The following FYN variants were observed in gnomAD, a reference collection of about 807,000 sequenced individuals.
FYN encodes the protein FYN proto-oncogene, Src family tyrosine kinase, also known as tyrosine-protein kinase Fyn.
In FYN, 10 loss-of-function variants were observed where a neutral mutation model predicts 70.2. The ratio of observed to expected loss-of-function variants is 0.14; its 90% CI spans 0.09 to 0.24. The LOEUF (loss-of-function observed/expected upper bound fraction) is 0.24. FYN is among the 10% of genes least tolerant of loss of function. FYN has a pLI of 1.00. For missense variants in FYN, 319 were observed against 673.1 expected (o/e 0.47, Z 5.82); for synonymous variants, 236 against 248.6 (o/e 0.95, Z 0.48).
chr6:111,826,064 G>C (rs1772825406), intron 2 of FYN, among the ~76,000 whole-genome samples: 1 of 152,070 alleles, frequency 6.6e-6, no homozygotes, highest in East Asian at 1.9e-4. Context: ...AAAGGCGAAG[G>C]GAAAACAACT....
chr6:111,714,288 T>C (rs1389524067), intron 5 of FYN, 59 bp downstream of exon 5: 2 of 1,096,462 alleles, frequency 1.8e-6, no homozygotes, highest in Non-Finnish European at 2.8e-6. Flanking sequence ...AGACCAGAAA[T>C]GCAAGACCCC....
At chr6:111,699,547 A>C in intron 9 of FYN, 1 of 1,614,146 alleles carries the variant, frequency 6.2e-7, no homozygotes, top group Non-Finnish European at 8.5e-7. Flanking sequence ...CCCCTGACCC[A>C]GCTTCTTCTC....
chr6:111,691,452 TG>T (rs1799311907), intron 12 of FYN, among the ~76,000 whole-genome samples: 1 of 152,236 alleles, frequency 6.6e-6, no homozygotes, highest in East Asian at 1.9e-4. Flanking sequence ...CTGTGGCCTG[TG>T]GGTAACATAA....
chr6:111,766,875 C>A (rs1037737874), intron 3 of FYN, among the ~76,000 whole-genome samples: 2 of 152,060 alleles, frequency 1.3e-5, no homozygotes, highest in African/African-American at 4.8e-5. Context: ...GATGACACAG[C>A]CAAATCATAT....
chr6:111,847,440 T>C (rs971694093), intron 1 of FYN, among the ~76,000 whole-genome samples: 1 of 152,224 alleles, frequency 6.6e-6, no homozygotes, highest in Non-Finnish European at 1.5e-5. Context: ...TTTAATAAAG[T>C]GTCTAAAGAG....
At chr6:111,839,351 C>G (rs1230160100) in intron 2 of FYN, among the ~76,000 whole-genome samples, 1 of 152,120 alleles carries the variant, frequency 6.6e-6, no homozygotes, top group Non-Finnish European at 1.5e-5. Flanking sequence ...AAATCCAGAT[C>G]TCCTATGTAG....
At chr6:111,781,701 TG>T (rs986501765) in intron 2 of FYN, among the ~76,000 whole-genome samples, 5 of 152,220 alleles carry the variant, frequency 3.3e-5, no homozygotes, top group Non-Finnish European at 7.3e-5. Context: ...CTTTACCTTT[TG>T]TGCTATGGCA....
rs3891286 is a variant in FYN at position 111,827,456 on chromosome 6, C to T, written c.-82+19133G>A. Among the ~76,000 whole-genome samples the T allele has an allele frequency of 4.3e-3, 654 of 152,198 alleles. 4 individuals are homozygous for T. The highest frequency in any genetic ancestry group is 0.017 in the Middle Eastern group (5 of 294). Reference sequence around the variant, plus strand: ...GTCCCTAAAACCATTCCGGCTCATGCCCATCTTTAAGCCAGTGTGTAGAGG... The same window carrying T: ...GTCCCTAAAACCATTCCGGCTCATGTCCATCTTTAAGCCAGTGTGTAGAGG... On this transcript the variant is annotated intron_variant, in intron 2 of 13. Transcript: ENST00000354650.
chr6:111,664,919 C>T (rs1797929820), intron 13 of FYN, among the ~76,000 whole-genome samples: 1 of 152,244 alleles, frequency 6.6e-6, no homozygotes, highest in Non-Finnish European at 1.5e-5. Flanking sequence ...TAGCTCTTTT[C>T]CAACCATCCA....
At chr6:111,687,390 T>G (rs1211285521) in intron 12 of FYN, among the ~76,000 whole-genome samples, 1 of 152,212 alleles carries the variant, frequency 6.6e-6, no homozygotes, top group Non-Finnish European at 1.5e-5. Context: ...ATGTTCCTAT[T>G]TTTATTTACA....
At chr6:111,785,677 T>A (rs1187045098) in intron 2 of FYN, among the ~76,000 whole-genome samples, 2 of 151,932 alleles carry the variant, frequency 1.3e-5, no homozygotes, top group Non-Finnish European at 2.9e-5. Flanking sequence ...TTCTTTTTTT[T>A]TTATTACTAT....
Position 111,660,788 on chromosome 6 carries a change from G to T in FYN, c.*951C>A, listed in dbSNP as rs1167908604. On this transcript the variant is annotated 3_prime_UTR_variant, in exon 14 of 14. Coordinates refer to ENST00000354650, the MANE Select transcript of FYN (RefSeq NM_002037.5). Reference sequence around the variant, plus strand: ...TTAGATCACTTAAATGTGGTTACAGGTTTATTAAATTAAAAATGTCTGAAA... The same window carrying T: ...TTAGATCACTTAAATGTGGTTACAGTTTTATTAAATTAAAAATGTCTGAAA... 6.6e-6 allele frequency: 1 copy of T among 152,136 alleles called. No homozygotes were observed. The highest frequency in any genetic ancestry group is 2.4e-5 in the African/African-American group (1 of 41,414). The allele number at this position is 152,136 out of a possible 1,614,324, so 9.4% of individuals were successfully genotyped here. A position where few individuals can be genotyped will look rare whatever the true frequency, so the allele number is the denominator to read the frequency against.
rs191428165 is a variant in FYN at position 111,710,701 on chromosome 6, G to A, written c.345-2681C>T. 1.6e-4 allele frequency among the ~76,000 whole-genome samples: 24 copies of A among 152,266 alleles called. No individual in the cohort carries two copies. The South Asian group carries it at 4.6e-3, about 29-fold the overall frequency. On this transcript the variant is annotated intron_variant, in intron 5 of 13. Coordinates refer to ENST00000354650, the MANE Select transcript of FYN (RefSeq NM_002037.5). Reference sequence around the variant, plus strand: ...AGACTCAAAATATTCATTGAGAGCCGTTGAGCGAGTGAATTAAGTCATCTT... The same window carrying A: ...AGACTCAAAATATTCATTGAGAGCCATTGAGCGAGTGAATTAAGTCATCTT...
chr6:111,793,319 G>C (rs1771691104), intron 2 of FYN, among the ~76,000 whole-genome samples: 1 of 151,878 alleles, frequency 6.6e-6, no homozygotes, highest in Admixed American at 6.6e-5. Flanking sequence ...TTATCTTACT[G>C]ATTTTTTAAA....
chr6:111,720,287 C>T (rs576781700), intron 3 of FYN, among the ~76,000 whole-genome samples: 9 of 152,142 alleles, frequency 5.9e-5, no homozygotes, highest in Non-Finnish European at 1.3e-4. Context: ...AGCATCATCA[C>T]GGAGCACAAT....
chr6:111,849,716 C>A (rs1299890662), intron 1 of FYN, among the ~76,000 whole-genome samples: 2 of 152,194 alleles, frequency 1.3e-5, no homozygotes, highest in Non-Finnish European at 2.9e-5. Flanking sequence ...GAAAGGCAGC[C>A]CCCAATAATT....
chr6:111,731,514 T>G (rs1022774437), intron 3 of FYN, among the ~76,000 whole-genome samples: 1 of 152,192 alleles, frequency 6.6e-6, no homozygotes, highest in Non-Finnish European at 1.5e-5. Context: ...AAGAATAACA[T>G]GAAGCCCAGT....
chr6:111,855,189 A>G (rs893506637), intron 1 of FYN, among the ~76,000 whole-genome samples: 3 of 152,204 alleles, frequency 2.0e-5, no homozygotes, highest in Non-Finnish European at 4.4e-5. Flanking sequence ...ATTAATTCAA[A>G]TAATATTTTT....
At chr6:111,832,997 A>G (rs7761236) in intron 2 of FYN, among the ~76,000 whole-genome samples, 32,672 of 152,150 alleles carry the variant, frequency 0.21, 5,626 homozygotes, top group African/African-American at 0.49. Flanking sequence ...TTTCAGTTTC[A>G]TAGGAATGCT....
Sources: gnomAD v4.1 joint callset for allele counts (sites outside exome capture counted in the v4.1 genomes callset) on GRCh38, gnomAD v4.1.1 for gene constraint, MANE v1.5 for transcripts, NCBI Gene and HGNC (gene_info 2026-07-23, HGNC 2026-07-21) for gene names.